PYHIN1: variants seen among roughly 807,000 people sequenced by gnomAD.
PYHIN1 encodes the protein pyrin and HIN domain-containing protein 1.
Under a neutral mutation model 43.7 loss-of-function variants are expected in PYHIN1, and 32 were observed. That is an observed-to-expected ratio of 0.73 (90% CI 0.55 to 0.98). PYHIN1 has a LOEUF of 0.98. Ranked by LOEUF, PYHIN1 falls within the 50% of genes least tolerant of loss-of-function variation. The pLI is 0.00. For synonymous variants in PYHIN1, 205 were observed against 203.1 expected, an observed-to-expected ratio of 1.01 and a Z score of -0.08; for missense variants, 588 against 589.5, an observed-to-expected ratio of 1.00 and a Z score of 0.03.
At chr1:158,944,413 T>A (rs540827957) in intron 6 of PYHIN1, among the ~76,000 whole-genome samples, 1 of 152,298 alleles carries the variant, frequency 6.6e-6, no homozygotes, top group South Asian at 2.1e-4. Context: ...TTGTACCTTG[T>A]GACAAACCAG....
Position 158,973,639 on chromosome 1 carries a change from G to T in PYHIN1, c.1360-8G>T. On this transcript the variant is annotated splice_polypyrimidine_tract_variant and splice_region_variant and intron_variant, in intron 7 of 8. Coordinates refer to ENST00000368140, the MANE Select transcript of PYHIN1 (RefSeq NM_152501.5). ...GAAAGACTAAATTACCCAAATTTAT[G>T]ACTCCAGAAGGATGAAACCCACCCA... 1 of 1,611,922 alleles carries T rather than the reference G, an allele frequency of 6.2e-7. No individual in the cohort carries two copies. The highest frequency in any genetic ancestry group is 1.1e-5 in the South Asian group (1 of 90,942).
At chr1:158,970,764 T>C (rs1389610395) in intron 7 of PYHIN1, among the ~76,000 whole-genome samples, 7 of 151,966 alleles carry the variant, frequency 4.6e-5, no homozygotes, top group Non-Finnish European at 1.5e-5. Context: ...AAAATAATAA[T>C]GATATTTCTT....
rs1648964446 is a variant in PYHIN1 at position 158,942,209 on chromosome 1, T to C, written c.812T>C (p.Ile271Thr). The change falls in exon 5 of 9, where the codon ATA becomes ACA. Residue 271 changes from isoleucine (I) to threonine (T), a missense_variant. By Grantham distance (89) the Ile-to-Thr change is moderately conservative. Transcript: ENST00000368140. ...RKFIKKRIIIISNYSKRNSLL... is the reference protein window; with the variant it reads ...RKFIKKRIIITSNYSKRNSLL... ...TTCATTAAAAAGAGAATCATCATTATATCAAATTATTCCAAACGTAATAGT... is the reference window on the plus strand; with the variant it reads ...TTCATTAAAAAGAGAATCATCATTACATCAAATTATTCCAAACGTAATAGT... The C allele has an allele frequency of 1.2e-6, 2 of 1,613,902 alleles. No homozygotes were observed. Among genetic ancestry groups the C allele is most frequent in the Admixed American group, 1.7e-5 (1 of 59,988 alleles).
At chr1:158,977,600 A>G (rs1651340251), downstream of PYHIN1, among the ~76,000 whole-genome samples, 1 of 152,150 alleles carries the variant, frequency 6.6e-6, no homozygotes, top group African/African-American at 2.4e-5. Context: ...TTTATTTTAG[A>G]GTAGAATGGC....
Position 158,976,909 on chromosome 1 carries a change from T to C in PYHIN1, c.*214T>C, listed in dbSNP as rs1571795124. On this transcript the variant is annotated 3_prime_UTR_variant, in exon 9 of 9. Coordinates refer to ENST00000368140, the MANE Select transcript of PYHIN1 (RefSeq NM_152501.5). ...ATATATATATATATATATATATATA[T>C]ATATATACCAGCTATTAATTCTAGG... 7.8e-6 allele frequency: 1 copy of C among 128,846 alleles called. No homozygotes were observed. Among genetic ancestry groups the C allele is most frequent in the Non-Finnish European group, 1.5e-5 (1 of 68,180 alleles). 8.0% of individuals were successfully genotyped at this position (128,846 alleles called of 1,614,324 possible). A position where few individuals can be genotyped will look rare whatever the true frequency, so the allele number is the denominator to read the frequency against.
intron 1 of PYHIN1, among the ~76,000 whole-genome samples, chr1:158,936,089 T>G (rs1036442705): frequency 1.3e-5 from 2 of 152,064 alleles, no homozygotes; most frequent in African/African-American, 4.8e-5. Context: ...CTTTAAGTTT[T>G]AGGGTACATG....
chr1:158,940,318 G>A (rs1648837528), intron 4 of PYHIN1: 1 of 151,188 alleles, frequency 6.6e-6, no homozygotes, highest in Non-Finnish European at 1.5e-5. Context: ...AAGGTCATCT[G>A]ACTCAGTCAA....
chr1:158,938,118 G>A (rs1263733821), intron 2 of PYHIN1, among the ~76,000 whole-genome samples: 1 of 152,158 alleles, frequency 6.6e-6, no homozygotes, highest in Non-Finnish European at 1.5e-5. Context: ...AATAGGATTG[G>A]GAAAGGGTTT....
chr1:158,979,462 T>C, downstream of PYHIN1, among the ~76,000 whole-genome samples: 1 of 149,996 alleles, frequency 6.7e-6, no homozygotes, highest in East Asian at 1.9e-4. Flanking sequence ...ATTCATGCTG[T>C]AACTATTGCA....
chr1:158,982,168 T>C, the PYHIN1 span, among the ~76,000 whole-genome samples: 1 of 152,226 alleles, frequency 6.6e-6, no homozygotes, highest in Non-Finnish European at 1.5e-5. Context: ...TTTGTTGTTG[T>C]TGCTACATTT....
At chr1:158,988,046 G>A in the PYHIN1 span, among the ~76,000 whole-genome samples, 5 of 152,130 alleles carry the variant, frequency 3.3e-5, no homozygotes, top group Non-Finnish European at 7.4e-5. Flanking sequence ...TAGAACCTAC[G>A]GAGTAGGCAC....
At position 158,942,176 on chromosome 1, in the gene PYHIN1, A is replaced by T. The variant is rs1390350903; in HGVS notation, c.779A>T (p.Lys260Met). 1.2e-6 allele frequency: 2 copies of T among 1,614,104 alleles called. No homozygotes were observed. Among genetic ancestry groups the T allele is most frequent in the East Asian group, 4.5e-5 (2 of 44,872 alleles). Residue 260 changes from lysine to methionine, a missense_variant, in exon 5 of 9, where the codon AAG (lysine) becomes ATG (methionine). Physicochemically the swap from Lys to Met is moderately conservative, Grantham distance 95. Transcript: ENST00000368140. The part of the protein sequence containing the change: ...FHVKVLNINL[K>M]RKFIKKRIII... ...GTGAAGGTTTTAAACATCAACTTGA[A>T]GAGGAAATTCATTAAAAAGAGAATC... is the stretch of plus-strand genomic sequence containing the variant.
At chr1:158,958,251 A>T (rs566148317) in intron 7 of PYHIN1, among the ~76,000 whole-genome samples, 1 of 151,624 alleles carries the variant, frequency 6.6e-6, no homozygotes, top group Non-Finnish European at 1.5e-5. Context: ...GCATCCCATT[A>T]CTGGGTATAT....
chr1:158,980,598 C>T (rs2101749367), downstream of PYHIN1, among the ~76,000 whole-genome samples: 1 of 152,202 alleles, frequency 6.6e-6, no homozygotes, highest in South Asian at 2.1e-4. Flanking sequence ...GAGATACACC[C>T]TGGTCTCCTG....
intron 7 of PYHIN1, among the ~76,000 whole-genome samples, chr1:158,945,595 T>C (rs140510365): frequency 2.8e-4 from 43 of 152,308 alleles, no homozygotes; most frequent in East Asian, 1.2e-3. Flanking sequence ...AGTCCTCCTA[T>C]TGTTTGCTTT....
the PYHIN1 span, among the ~76,000 whole-genome samples, chr1:158,989,660 T>C: frequency 0.24 from 36,308 of 152,072 alleles, 4,935 homozygotes; most frequent in Middle Eastern, 0.36. Context: ...CTAGGGAAGA[T>C]ACATGAAACA....
chr1:158,961,681 T>C (rs1359719238), intron 7 of PYHIN1, among the ~76,000 whole-genome samples: 1 of 152,070 alleles, frequency 6.6e-6, no homozygotes, highest in Non-Finnish European at 1.5e-5. Flanking sequence ...GCCACGGACC[T>C]TTGCCACCCT....
chr1:158,963,062 G>A (rs1650418254), intron 7 of PYHIN1, among the ~76,000 whole-genome samples: 1 of 152,124 alleles, frequency 6.6e-6, no homozygotes, highest in African/African-American at 2.4e-5. Flanking sequence ...TGAGCCCCTA[G>A]TTGTGGCCAG....
intron 4 of PYHIN1, chr1:158,939,648 C>G (rs928713675): frequency 2.3e-6 from 2 of 861,584 alleles, no homozygotes; most frequent in Admixed American, 2.1e-5. Flanking sequence ...TAAACTCTTA[C>G]CTGGCCAACC....
Sources: allele counts gnomAD v4.1 joint callset (sites outside exome capture counted in the v4.1 genomes callset), GRCh38; gene constraint gnomAD v4.1.1; transcripts MANE v1.5; gene names NCBI Gene and HGNC (gene_info 2026-07-23, HGNC 2026-07-21).